The following GALK1 variants were observed in gnomAD, a reference collection of about 807,000 sequenced individuals.
GALK1 encodes galactokinase 1, also known as galactokinase.
In GALK1, 30 loss-of-function variants were observed where a neutral mutation model predicts 38.6. The observed-to-expected ratio is 0.78, with a 90% CI of 0.58 to 1.05. GALK1 has a LOEUF of 1.05. GALK1 is among the 50% of genes least tolerant of loss of function. The pLI is 0.00. For missense variants in GALK1, 512 were observed against 540.5 expected, an observed-to-expected ratio of 0.95 and a Z score of 0.52; for synonymous variants, 240 against 233.6, an observed-to-expected ratio of 1.03 and a Z score of -0.25.
rs1184406839 is a variant in GALK1, at chr17:75,758,085, C to G, written c.1150G>C (p.Ala384Pro). The G allele has an allele frequency of 1.2e-6, 2 of 1,612,516 alleles. No individual in the cohort carries two copies. The highest frequency in any genetic ancestry group is 1.7e-6 in the Non-Finnish European group (2 of 1,179,942). The change falls in exon 8 of 8, where the codon GCC becomes CCC. Residue 384 changes from alanine (A) to proline (P), a missense_variant. Physicochemically the swap from Ala to Pro is conservative, Grantham distance 27. Transcript: ENST00000588479. ...GTATFYLSQAADGAKVLCL is the reference protein window; with the variant it reads ...GTATFYLSQAPDGAKVLCL ...AAGCACAGCACCTTGGCTCCATCGG[C>G]TGCTTGAGAGAGGTAGAAGGTGGCA...
chr17:75,752,254 C>G, intron 8 of GALK1: 1 of 1,613,638 alleles, frequency 6.2e-7, no homozygotes, highest in Non-Finnish European at 8.5e-7. Context: ...TCGGGAGTCC[C>G]AGCCCTACCG....
At chr17:75,756,623 T>C (rs773162258), downstream of GALK1, 20 of 1,612,388 alleles carry the variant, frequency 1.2e-5, no homozygotes, top group Non-Finnish European at 1.7e-5. Flanking sequence ...GCCAGGTGAG[T>C]TGCCTCCCCC....
downstream of GALK1, among the ~76,000 whole-genome samples, chr17:75,756,230 T>A (rs578054052): frequency 6.6e-6 from 1 of 152,040 alleles, no homozygotes; most frequent in Non-Finnish European, 1.5e-5. Flanking sequence ...TAAACATGAG[T>A]GGGATTACAG....
At chr17:75,754,046 G>T, downstream of GALK1, 1 of 711,664 alleles carries the variant, frequency 1.4e-6, no homozygotes, top group Non-Finnish European at 2.0e-6. Context: ...CCTGGGGTGG[G>T]CGTCTGCGCT....
At chr17:75,753,795 G>GGGA, downstream of GALK1, 1 of 1,460,318 alleles carries the variant, frequency 6.8e-7, no homozygotes, top group Non-Finnish European at 9.0e-7. Flanking sequence ...CCCCTGCTGG[G>GGGA]GGAGGAGCTG....
chr17:75,757,079 C>T (rs761877015), downstream of GALK1: 2 of 1,612,940 alleles, frequency 1.2e-6, no homozygotes, highest in Admixed American at 3.3e-5. Context: ...AGCGCGAGGG[C>T]ATCATCACCA....
chr17:75,758,427 CG>C, intron 6 of GALK1, 21 bp downstream of exon 6: 13 of 1,575,024 alleles, frequency 8.3e-6, no homozygotes, highest in Non-Finnish European at 1.1e-5. Flanking sequence ...CCGGCAGGAG[CG>C]GGGCGCCCAG....
chr17:75,763,731 G>A, intron 2 of GALK1, 166 bp downstream of exon 2: 1 of 813,442 alleles, frequency 1.2e-6, no homozygotes, highest in Non-Finnish European at 2.0e-6. Flanking sequence ...GGAAACCCAG[G>A]GCAAGTTCCC....
downstream of GALK1, chr17:75,755,961 G>A (rs544324337): frequency 2.0e-5 from 26 of 1,320,790 alleles, no homozygotes; most frequent in Middle Eastern, 2.5e-4. Context: ...TCCCTTGAGC[G>A]CTAAAGCCCC....
At chr17:75,753,855 T>C (rs1464493879), downstream of GALK1, 1 of 1,388,770 alleles carries the variant, frequency 7.2e-7, no homozygotes, top group Non-Finnish European at 9.4e-7. Flanking sequence ...ATCCCGCGCC[T>C]GTCGGCCAGC....
chr17:75,761,043 A>T (rs2143597380), intron 5 of GALK1, among the ~76,000 whole-genome samples: 1 of 152,014 alleles, frequency 6.6e-6, no homozygotes, highest in African/African-American at 2.4e-5. Context: ...CTCTACTAAA[A>T]ATACAAAAAT....
downstream of GALK1, chr17:75,754,437 G>A (rs1421785932): frequency 3.8e-6 from 4 of 1,057,694 alleles, no homozygotes; most frequent in Admixed American, 5.5e-5. Flanking sequence ...TCTGTCCCTA[G>A]TGGTTTGAGG....
At chr17:75,764,693 C>G in intron 1 of GALK1, 1 of 594,488 alleles carries the variant, frequency 1.7e-6, no homozygotes, top group Admixed American at 2.8e-5. Context: ...TTAAGGGGAA[C>G]ATGCTCCCAG....
chr17:75,761,361 CAT>C (rs1386685573), intron 5 of GALK1, among the ~76,000 whole-genome samples: 1 of 151,970 alleles, frequency 6.6e-6, no homozygotes, highest in Non-Finnish European at 1.5e-5. Flanking sequence ...GTGGCTCACA[CAT>C]GTAATCCTAG....
intron 2 of GALK1, chr17:75,763,667 T>C (rs1391557565): frequency 1.4e-6 from 1 of 691,484 alleles, no homozygotes; most frequent in East Asian, 2.7e-5. Context: ...GGTTTAGGGC[T>C]CTGGAGGGAA....
chr17:75,753,835 C>G, downstream of GALK1: 1 of 1,446,982 alleles, frequency 6.9e-7, no homozygotes, highest in Non-Finnish European at 9.1e-7. Context: ...GGCGGCTGCC[C>G]CCGGAGCTCA....
chr17:75,764,810 C>T (rs1376285976), intron 1 of GALK1, 162 bp downstream of exon 1: 2 of 760,252 alleles, frequency 2.6e-6, no homozygotes, highest in East Asian at 2.7e-5. Flanking sequence ...ACGTGGGGAA[C>T]AGCCTGTCCC....
At chr17:75,756,433 G>A, downstream of GALK1, 1 of 1,613,266 alleles carries the variant, frequency 6.2e-7, no homozygotes, top group Non-Finnish European at 8.5e-7. Context: ...CCCCAGGTGA[G>A]CTGCATCGGC....
intron 1 of GALK1, chr17:75,764,528 G>A: frequency 2.0e-6 from 1 of 491,522 alleles, no homozygotes; most frequent in Non-Finnish European, 4.0e-6. Context: ...GTGACCTCCA[G>A]CAGTTCACTG....
Sources: allele counts gnomAD v4.1 joint callset (sites outside exome capture counted in the v4.1 genomes callset), GRCh38; gene constraint gnomAD v4.1.1; transcripts MANE v1.5; gene names NCBI Gene and HGNC (gene_info 2026-07-23, HGNC 2026-07-21).